TMEM270: variants seen among roughly 807,000 people sequenced by gnomAD.
TMEM270 encodes the protein transmembrane protein 270, also known as Williams-Beuren syndrome chromosome region 28.
TMEM270 carries 30 observed loss-of-function variants against 29.9 expected under a neutral mutation model. The observed-to-expected ratio is 1.00, with a 90% CI of 0.75 to 1.36. The LOEUF (loss-of-function observed/expected upper bound fraction) is 1.36, where lower values mean the gene tolerates loss of function less well. Ranked by LOEUF, TMEM270 falls within the 40% of genes most tolerant of loss-of-function variation. The pLI is 0.00. For missense variants in TMEM270, 313 were observed against 307.1 expected (o/e 1.02, Z -0.14); for synonymous variants, 135 against 139.8 (o/e 0.97, Z 0.24).
In TMEM270 at chr7:73,864,971, GTC is replaced by G. The variant is rs781911600; in HGVS notation, c.73-12_73-11del. 4.8e-6 allele frequency: 7 copies of G among 1,450,422 alleles called. No individual in the cohort carries two copies. Among genetic ancestry groups the G allele is most frequent in the South Asian group, 3.3e-5 (2 of 61,226 alleles). The allele number at this position is 1,450,422 out of a possible 1,614,324, so 89.8% of individuals were successfully genotyped here. A position where few individuals can be genotyped will look rare whatever the true frequency, so the allele number is the denominator to read the frequency against. ...AGGAGGGTGATGATGGCTGACGGTTGTCTCTCTCTCTTCTTCTGCAGTTGGTT... is the reference window on the plus strand; with the variant it reads ...AGGAGGGTGATGATGGCTGACGGTTGTCTCTCTCTTCTTCTGCAGTTGGTT... On this transcript the variant is annotated intron_variant, in intron 1 of 2. Transcript: ENST00000320531.
chr7:73,864,457 C>A (rs1788854650), intron 1 of TMEM270, among the ~76,000 whole-genome samples: 1 of 151,920 alleles, frequency 6.6e-6, no homozygotes, highest in Admixed American at 6.6e-5. Context: ...TGGAAAGGAA[C>A]CCAAATACAA....
At chr7:73,864,114 CAAAAAAAA>C (rs34181696) in intron 1 of TMEM270, among the ~76,000 whole-genome samples, 9 of 81,018 alleles carry the variant, frequency 1.1e-4, no homozygotes, top group East Asian at 3.7e-4. Flanking sequence ...CCCGCCTCTA[CAAAAAAAA>C]AAAAAAAAAA....
In TMEM270 at chr7:73,865,075, A is replaced by G. The variant is rs145787430; in HGVS notation, c.155A>G (p.Gln52Arg). The G allele has an allele frequency of 1.3e-3, 2,038 of 1,544,580 alleles. 20 individuals carry two copies. The highest frequency in any genetic ancestry group is 0.012 in the Admixed American group (591 of 49,272). ...AACCACTGGGTGTCAGGGCTGGCCCAGGAGGCCCGGGGGTCCTGTAACTGG... is the reference window on the plus strand; with the variant it reads ...AACCACTGGGTGTCAGGGCTGGCCCGGGAGGCCCGGGGGTCCTGTAACTGG... ...LFNHWVSGLAQEARGSCNWQA... is the reference protein window; with the variant it reads ...LFNHWVSGLAREARGSCNWQA... The change falls in exon 2 of 3, where the codon CAG becomes CGG. Residue 52 changes from glutamine (Q) to arginine (R), a missense_variant. Transcript: ENST00000320531.
intron 1 of TMEM270, among the ~76,000 whole-genome samples, chr7:73,863,098 G>A (rs1350371952): frequency 6.6e-6 from 1 of 152,018 alleles, no homozygotes; most frequent in Non-Finnish European, 1.5e-5. Flanking sequence ...TCTCCCTGCT[G>A]GACCCTTTGG....
chr7:73,863,433 A>G (rs1554639570), intron 1 of TMEM270, among the ~76,000 whole-genome samples: 1 of 147,656 alleles, frequency 6.8e-6, no homozygotes, highest in East Asian at 2.0e-4. Flanking sequence ...TCTGTTACCC[A>G]GGCTGGAGTG....
At chr7:73,865,523 G>C in intron 2 of TMEM270, 54 bp from the exon 3 acceptor site, 2 of 1,592,100 alleles carry the variant, frequency 1.3e-6, no homozygotes, top group South Asian at 1.2e-5. Flanking sequence ...CAGCCAAGCA[G>C]TGTAACCCTA....
At chr7:73,862,533 CAG>C (rs1204389983) in intron 1 of TMEM270, among the ~76,000 whole-genome samples, 9 of 151,714 alleles carry the variant, frequency 5.9e-5, no homozygotes, top group African/African-American at 7.3e-5. Flanking sequence ...GATCATATAA[CAG>C]GGGGCAGTTG....
In TMEM270 at chr7:73,864,114, C is replaced by CAAA. The variant is rs34181696; in HGVS notation, c.73-858_73-856dup. The stretch of plus-strand genomic sequence containing the variant: ...ATAACATAGCAAGACCCCGCCTCTA[C>CAAA]AAAAAAAAAAAAAAAAAAAAAAATT... On this transcript the variant is annotated intron_variant, in intron 1 of 2. Transcript: ENST00000320531. 4.5e-3 allele frequency among the ~76,000 whole-genome samples: 364 copies of CAAA among 80,478 alleles called. 12 individuals carry two copies. Among genetic ancestry groups the CAAA allele is most frequent in the Middle Eastern group, 9.1e-3 (1 of 110 alleles). 52.8% of individuals were successfully genotyped at this position (80,478 alleles called of 152,430 possible). A position where few individuals can be genotyped will look rare whatever the true frequency, so the allele number is the denominator to read the frequency against.
chr7:73,864,674 G>A (rs374278663), intron 1 of TMEM270, among the ~76,000 whole-genome samples: 28 of 151,772 alleles, frequency 1.8e-4, no homozygotes, highest in East Asian at 1.2e-3. Context: ...AGGCTGAGGC[G>A]GGTGGATCAT....
Position 73,865,111 on chromosome 7 carries a change from T to C in TMEM270, c.191T>C (p.Leu64Pro). Reference protein sequence around the residue: ...ARGSCNWQAHLPLGAAACPLG... With the variant: ...ARGSCNWQAHPPLGAAACPLG... ...GGGTCCTGTAACTGGCAGGCCCACC[T>C]ACCCCTGGGAGCTGCAGCCTGCCCC... is the stretch of plus-strand genomic sequence containing the variant. The change falls in exon 2 of 3, where the codon CTA (leucine) becomes CCA (proline). Residue 64 changes from leucine (L) to proline (P), a missense_variant. Coordinates refer to ENST00000320531, the MANE Select transcript of TMEM270 (RefSeq NM_182504.4). 1 of 1,587,108 alleles carries C rather than the reference T, an allele frequency of 6.3e-7. No homozygotes were observed. The highest frequency in any genetic ancestry group is 8.6e-7 in the Non-Finnish European group (1 of 1,165,234).
chr7:73,861,131 C>T (rs1773071066), upstream of TMEM270: 6 of 1,558,622 alleles, frequency 3.8e-6, no homozygotes, highest in Non-Finnish European at 4.4e-6. Context: ...ACTTGGTCCC[C>T]ACCCTGTGGC....
chr7:73,862,141 C>T (rs1239833967), intron 1 of TMEM270, among the ~76,000 whole-genome samples: 1 of 147,932 alleles, frequency 6.8e-6, no homozygotes, highest in Non-Finnish European at 1.5e-5. Flanking sequence ...GCAGTCTTGC[C>T]CTGTCGCGCA....
intron 1 of TMEM270, among the ~76,000 whole-genome samples, chr7:73,863,312 C>A (rs1421301147): frequency 2.0e-5 from 3 of 152,122 alleles, no homozygotes; most frequent in African/African-American, 7.2e-5. Context: ...TCCCCCACCT[C>A]ACCCCAGTCC....
At chr7:73,861,689 C>A (rs1467750778) in intron 1 of TMEM270, 2 of 294,270 alleles carry the variant, frequency 6.8e-6, no homozygotes, top group Non-Finnish European at 1.4e-5. Flanking sequence ...TCACATGATC[C>A]TCCTACCTCA....
upstream of TMEM270, chr7:73,861,107 G>T (rs575618774): frequency 2.7e-5 from 37 of 1,363,854 alleles, no homozygotes; most frequent in Non-Finnish European, 3.7e-5. Context: ...GGCGGCAACC[G>T]GGTCCCCATG....
chr7:73,861,289 TG>T, intron 1 of TMEM270, 23 bp downstream of exon 1: 2 of 974,236 alleles, frequency 2.1e-6, no homozygotes, highest in Non-Finnish European at 3.2e-6. Context: ...TGGGGGTAAG[TG>T]GGGTGGGGAC....
At chr7:73,862,342 G>A (rs1421457874) in intron 1 of TMEM270, among the ~76,000 whole-genome samples, 2 of 151,664 alleles carry the variant, frequency 1.3e-5, no homozygotes, top group Admixed American at 6.6e-5. Context: ...TCCTGACCTC[G>A]TAATCCACCC....
chr7:73,861,558 T>TC (rs1554639275), intron 1 of TMEM270: 1 of 556,048 alleles, frequency 1.8e-6, no homozygotes. Flanking sequence ...CAAGCAATCC[T>TC]CCCCCCTCAG....
rs540558569 is a variant in TMEM270, at chr7:73,861,805, T to C, written c.72+539T>C. On this transcript the variant is annotated intron_variant, in intron 1 of 2. Coordinates refer to ENST00000320531, the MANE Select transcript of TMEM270 (RefSeq NM_182504.4). ...GAATCATTGTTTTTCCCATTCATTT[T>C]TTCTTTTTTTTGAGACAGAGTCTCG... 5.3e-5 allele frequency among the ~76,000 whole-genome samples: 8 copies of C among 151,984 alleles called. No homozygotes were observed. In the South Asian group the frequency reaches 1.7e-3, roughly 32 times the overall value.
Sources: gnomAD v4.1 joint callset for allele counts (sites outside exome capture counted in the v4.1 genomes callset) on GRCh38, gnomAD v4.1.1 for gene constraint, MANE v1.5 for transcripts, NCBI Gene and HGNC (gene_info 2026-07-23, HGNC 2026-07-21) for gene names.